The following AMPH variants were observed in gnomAD, a reference collection of about 807,000 sequenced individuals.
The protein encoded by AMPH is amphiphysin (Stiff-Mann syndrome with breast cancer 128kD autoantigen).
In AMPH, 49 loss-of-function variants were observed where a neutral mutation model predicts 99.1. That is an observed-to-expected ratio of 0.49 (90% CI 0.39 to 0.63). AMPH has a LOEUF of 0.63. Among genes scored for constraint, AMPH ranks in the 20% least tolerant of loss-of-function variants. The pLI is 0.00. For missense variants in AMPH, 759 were observed against 863.4 expected (o/e 0.88, Z 1.52); for synonymous variants, 314 against 317.3 (o/e 0.99, Z 0.11).
intron 1 of AMPH, among the ~76,000 whole-genome samples, chr7:38,614,888 A>G (rs1188290204): frequency 3.3e-5 from 5 of 152,178 alleles, no homozygotes; most frequent in Non-Finnish European, 7.3e-5. Context: ...AGGAAAGTCC[A>G]GTATATTAAA....
intron 1 of AMPH, among the ~76,000 whole-genome samples, chr7:38,551,351 G>A (rs1321833949): frequency 1.3e-5 from 2 of 152,110 alleles, no homozygotes; most frequent in African/African-American, 4.8e-5. Context: ...CTGTGAACAA[G>A]GCACCATGTC....
At chr7:38,392,115 G>T (rs2128974818) in intron 18 of AMPH, 98 bp from the exon 19 acceptor site, 4 of 1,288,726 alleles carry the variant, frequency 3.1e-6, no homozygotes, top group Non-Finnish European at 4.2e-6. Flanking sequence ...CAAAGCTGGG[G>T]CTGCCACTTC....
chr7:38,626,354 C>G (rs150494542), intron 1 of AMPH, among the ~76,000 whole-genome samples: 1 of 152,150 alleles, frequency 6.6e-6, no homozygotes, highest in African/African-American at 2.4e-5. Context: ...GATATATAGA[C>G]CAATGGAACA....
intron 1 of AMPH, among the ~76,000 whole-genome samples, chr7:38,603,945 A>T (rs1793343562): frequency 1.3e-5 from 2 of 152,210 alleles, no homozygotes; most frequent in South Asian, 4.1e-4. Flanking sequence ...AATTCAACAA[A>T]CGTGATGTCC....
At chr7:38,474,334 T>C (rs1028356257) in intron 7 of AMPH, among the ~76,000 whole-genome samples, 2 of 152,086 alleles carry the variant, frequency 1.3e-5, no homozygotes, top group East Asian at 1.9e-4. Context: ...AGATGAACAA[T>C]GACATAATTT....
chr7:38,412,822 G>A (rs1411411229), intron 17 of AMPH, among the ~76,000 whole-genome samples: 1 of 152,190 alleles, frequency 6.6e-6, no homozygotes, highest in Non-Finnish European at 1.5e-5. Context: ...CATCTCCTGG[G>A]CAATGAAGAT....
At chr7:38,554,415 T>C (rs1791290045) in intron 1 of AMPH, among the ~76,000 whole-genome samples, 1 of 152,222 alleles carries the variant, frequency 6.6e-6, no homozygotes, top group African/African-American at 2.4e-5. Flanking sequence ...GAGTACACTT[T>C]GGCAGCATTT....
chr7:38,598,495 G>A (rs1793139571), intron 1 of AMPH, among the ~76,000 whole-genome samples: 1 of 152,042 alleles, frequency 6.6e-6, no homozygotes, highest in Non-Finnish European at 1.5e-5. Flanking sequence ...GTAGAGATGG[G>A]GTTTCGCCAT....
chr7:38,605,100 C>T (rs1176702559), intron 1 of AMPH, among the ~76,000 whole-genome samples: 1 of 151,916 alleles, frequency 6.6e-6, no homozygotes, highest in East Asian at 1.9e-4. Flanking sequence ...GGGTACTGAT[C>T]CCATAATAAG....
intron 1 of AMPH, among the ~76,000 whole-genome samples, chr7:38,614,710 AT>A (rs900318048): frequency 9.9e-5 from 15 of 152,066 alleles, no homozygotes; most frequent in Non-Finnish European, 1.5e-4. Flanking sequence ...ATTCTTTATG[AT>A]TTTTCCAAAC....
intron 1 of AMPH, among the ~76,000 whole-genome samples, chr7:38,603,615 T>G (rs1244974642): frequency 2.5e-4 from 38 of 152,128 alleles, no homozygotes; most frequent in Non-Finnish European, 2.4e-4. Flanking sequence ...CTAACGCCCC[T>G]AGACTATGCA....
chr7:38,421,315 T>C (rs1584066930), intron 16 of AMPH, among the ~76,000 whole-genome samples: 2 of 152,256 alleles, frequency 1.3e-5, no homozygotes. Flanking sequence ...TCATAAACCA[T>C]TCATGATTGA....
At chr7:38,496,621 G>A (rs1162160374) in intron 3 of AMPH, among the ~76,000 whole-genome samples, 2 of 152,128 alleles carry the variant, frequency 1.3e-5, no homozygotes, top group Non-Finnish European at 1.5e-5. Flanking sequence ...GGGGGGATGC[G>A]TTCTCTCATG....
At chr7:38,537,670 C>G (rs1181928745) in intron 1 of AMPH, among the ~76,000 whole-genome samples, 5 of 152,188 alleles carry the variant, frequency 3.3e-5, no homozygotes, top group African/African-American at 1.2e-4. Flanking sequence ...TAAGGGATGA[C>G]TTAAACAGAT....
intron 7 of AMPH, among the ~76,000 whole-genome samples, chr7:38,470,577 T>A (rs1017687416): frequency 6.6e-6 from 1 of 152,118 alleles, no homozygotes; most frequent in Admixed American, 6.6e-5. Flanking sequence ...AGTCCCCTCT[T>A]CTTTTGCACA....
In AMPH at chr7:38,524,773, T is replaced by C. The variant is rs146405839; in HGVS notation, c.150+10158A>G. Among the ~76,000 whole-genome samples, 59 of 152,342 alleles carry C rather than the reference T, an allele frequency of 3.9e-4. No individual in the cohort carries two copies. In the East Asian group the frequency reaches 0.01, roughly 26 times the overall value. ...ATATACAAAATAAAATTGGGAACTT[T>C]TATTACAATATGAATTTAATCTTTT... On this transcript the variant is annotated intron_variant, in intron 2 of 20. Coordinates refer to ENST00000356264, the MANE Select transcript of AMPH (RefSeq NM_001635.4).
intron 17 of AMPH, among the ~76,000 whole-genome samples, chr7:38,417,478 T>C (rs1364361062): frequency 6.6e-6 from 1 of 152,206 alleles, no homozygotes; most frequent in East Asian, 1.9e-4. Context: ...AAGTTATTAT[T>C]CTGTTTATCA....
rs1261386722 is a variant in AMPH, at chr7:38,571,163, T to A, written c.70-36152A>T. Among the ~76,000 whole-genome samples the A allele has an allele frequency of 2.3e-5, 2 of 88,798 alleles. 1 individual carries two copies. The allele number at this position is 88,798 out of a possible 152,430, so 58.3% of individuals were successfully genotyped here. A position where few individuals can be genotyped will look rare whatever the true frequency, so the allele number is the denominator to read the frequency against. ...TTTATATATTTATGAATATATATATTTTTATATATTTTTATATATGAATAT... is the reference window on the plus strand; with the variant it reads ...TTTATATATTTATGAATATATATATATTTATATATTTTTATATATGAATAT... On this transcript the variant is annotated intron_variant, in intron 1 of 20. Coordinates refer to ENST00000356264, the MANE Select transcript of AMPH (RefSeq NM_001635.4).
At chr7:38,398,414 A>G (rs1260706134) in intron 17 of AMPH, among the ~76,000 whole-genome samples, 2 of 152,328 alleles carry the variant, frequency 1.3e-5, no homozygotes, top group East Asian at 3.9e-4. Context: ...ACTGGAGGTC[A>G]TTATGTTAAG....
Sources: allele counts gnomAD v4.1 joint callset (sites outside exome capture counted in the v4.1 genomes callset), GRCh38; gene constraint gnomAD v4.1.1; transcripts MANE v1.5; gene names NCBI Gene and HGNC (gene_info 2026-07-23, HGNC 2026-07-21).